Variants in PLD5 observed in about 807,000 individuals in gnomAD.
PLD5 encodes the protein inactive phospholipase D5.
A neutral mutation model predicts 61.1 loss-of-function variants in PLD5; 36 were observed. The observed-to-expected ratio is 0.59, with a 90% CI of 0.45 to 0.78. The LOEUF is 0.78. Among genes scored for constraint, PLD5 ranks in the 30% least tolerant of loss-of-function variants. The pLI is 0.00. For synonymous variants in PLD5, 243 were observed against 242.8 expected (o/e 1.00, Z -0.01); for missense variants, 515 against 644.4 (o/e 0.80, Z 2.17).
chr1:242,501,790 T>TTATATATA lies in PLD5; in HGVS notation c.189+22290_189+22297dup, dbSNP rs10648981. 5.2e-3 allele frequency among the ~76,000 whole-genome samples: 767 copies of TTATATATA among 147,174 alleles called. 8 individuals carry two copies. The highest frequency in any genetic ancestry group is 0.028 in the East Asian group (143 of 5,082). On this transcript the variant is annotated intron_variant, in intron 1 of 9. Coordinates refer to ENST00000536534, the MANE Select transcript of PLD5 (RefSeq NM_001372062.1). The stretch of plus-strand genomic sequence containing the variant: ...AAAATTAAGATATATTAATATTCCA[T>TTATATATA]TATATATATATATATATATACACTA...
chr1:242,200,887 T>G (rs1399287195), intron 5 of PLD5, among the ~76,000 whole-genome samples: 1 of 152,226 alleles, frequency 6.6e-6, no homozygotes, highest in Non-Finnish European at 1.5e-5. Context: ...TAACATGTTA[T>G]GCGTGTGTTT....
chr1:242,448,503 T>A (rs1468133854), intron 1 of PLD5, among the ~76,000 whole-genome samples: 1 of 152,210 alleles, frequency 6.6e-6, no homozygotes, highest in Non-Finnish European at 1.5e-5. Context: ...ATTATCAATG[T>A]CCTTTGTCCA....
chr1:242,179,851 T>C (rs1457614498), intron 5 of PLD5, among the ~76,000 whole-genome samples: 1 of 152,076 alleles, frequency 6.6e-6, no homozygotes, highest in African/African-American at 2.4e-5. Flanking sequence ...TGCAGTGAGC[T>C]GAGATTTTGC....
At chr1:242,119,816 C>T (rs1210607037) in intron 6 of PLD5, among the ~76,000 whole-genome samples, 2 of 152,098 alleles carry the variant, frequency 1.3e-5, no homozygotes, top group African/African-American at 4.8e-5. Context: ...CCAGTAAATC[C>T]ACTCCTATGT....
intron 4 of PLD5, among the ~76,000 whole-genome samples, chr1:242,248,805 C>T (rs1360365569): frequency 1.3e-5 from 2 of 152,190 alleles, no homozygotes; most frequent in Non-Finnish European, 2.9e-5. Flanking sequence ...TATCTCCACA[C>T]TCCCTCTGCT....
At chr1:242,356,087 G>T (rs1360672537) in intron 1 of PLD5, among the ~76,000 whole-genome samples, 2 of 152,110 alleles carry the variant, frequency 1.3e-5, no homozygotes, top group Non-Finnish European at 1.5e-5. Flanking sequence ...GTACATGTCT[G>T]CCAGGTCCAG....
rs189062796 is a variant in PLD5, at chr1:242,123,100, T to C, written c.933+1368A>G. Among the ~76,000 whole-genome samples the C allele has an allele frequency of 3.9e-5, 6 of 152,296 alleles. No individual in the cohort carries two copies. The East Asian group carries it at 5.8e-4, about 15-fold the overall frequency. ...CAGGGGACACTATAAATCTGCACTT[T>C]AAGCATACTTCGTAGCCAATTCTTA... On this transcript the variant is annotated intron_variant, in intron 6 of 9. Transcript: ENST00000536534.
At position 242,468,127 on chromosome 1, in the gene PLD5, AG is replaced by A. The variant is rs899766400; in HGVS notation, c.189+55960del. ...TTTTCATAACAAGGTCTTTTAACAT[AG>A]CCAAAGTATTTTGAGTTCCAAAACA... On this transcript the variant is annotated intron_variant, in intron 1 of 9. Transcript: ENST00000536534. 1.8e-4 allele frequency among the ~76,000 whole-genome samples: 27 copies of A among 152,326 alleles called. No individual in the cohort carries two copies. The East Asian group carries it at 2.7e-3, about 15-fold the overall frequency.
intron 1 of PLD5, among the ~76,000 whole-genome samples, chr1:242,484,084 C>T (rs1380057201): frequency 1.3e-5 from 2 of 152,178 alleles, no homozygotes; most frequent in African/African-American, 4.8e-5. Context: ...ATTTATAGCA[C>T]TAAATGCCCT....
chr1:242,396,446 T>C (rs1453160892), intron 1 of PLD5, among the ~76,000 whole-genome samples: 1 of 152,116 alleles, frequency 6.6e-6, no homozygotes, highest in East Asian at 1.9e-4. Flanking sequence ...TTTCCTTCCC[T>C]TCACAGTAAC....
intron 7 of PLD5, among the ~76,000 whole-genome samples, chr1:242,110,899 A>G (rs1458606872): frequency 6.6e-6 from 1 of 152,210 alleles, no homozygotes; most frequent in African/African-American, 2.4e-5. Flanking sequence ...CATTTTTATT[A>G]TTCCTTTACA....
chr1:242,526,014 T>C (rs1669437013), upstream of PLD5, among the ~76,000 whole-genome samples: 1 of 152,204 alleles, frequency 6.6e-6, no homozygotes, highest in African/African-American at 2.4e-5. Flanking sequence ...TCTCATGTTA[T>C]CCTGCAAGAT....
At chr1:242,445,194 C>CAG (rs1321250828) in intron 1 of PLD5, among the ~76,000 whole-genome samples, 19 of 152,144 alleles carry the variant, frequency 1.2e-4, no homozygotes, top group Admixed American at 1.2e-3. Flanking sequence ...AAAGAGACAC[C>CAG]AGAGAGCTAT....
intron 5 of PLD5, among the ~76,000 whole-genome samples, chr1:242,207,431 T>A (rs1033251903): frequency 2.0e-5 from 3 of 152,094 alleles, no homozygotes; most frequent in African/African-American, 7.2e-5. Context: ...ACCCTGGGCA[T>A]CTGCATTGGT....
intron 3 of PLD5, among the ~76,000 whole-genome samples, chr1:242,272,027 GA>G (rs1262554410): frequency 3.3e-5 from 5 of 152,044 alleles, no homozygotes; most frequent in African/African-American, 9.6e-5. Flanking sequence ...GCAGTATTAA[GA>G]AAAAAATATA....
At chr1:242,218,237 C>T (rs1004438874) in intron 5 of PLD5, among the ~76,000 whole-genome samples, 4 of 152,168 alleles carry the variant, frequency 2.6e-5, no homozygotes, top group African/African-American at 9.7e-5. Context: ...CATCTGAAGG[C>T]TCAGATGATT....
chr1:242,448,245 A>G (rs1666629144), intron 1 of PLD5, among the ~76,000 whole-genome samples: 2 of 152,192 alleles, frequency 1.3e-5, no homozygotes, highest in Non-Finnish European at 2.9e-5. Context: ...GCATGAAGGC[A>G]GGGAATGAGA....
intron 1 of PLD5, among the ~76,000 whole-genome samples, chr1:242,397,898 G>C (rs1038677779): frequency 1.3e-5 from 2 of 151,524 alleles, no homozygotes; most frequent in Non-Finnish European, 2.9e-5. Flanking sequence ...ATAAGCCAGT[G>C]CTTCTGATAC....
intron 1 of PLD5, among the ~76,000 whole-genome samples, chr1:242,445,099 T>C (rs1246841600): frequency 6.6e-6 from 1 of 152,054 alleles, no homozygotes; most frequent in African/African-American, 2.4e-5. Context: ...TAATCCCCAG[T>C]GTGATAGTAT....
Sources: allele counts gnomAD v4.1 joint callset (sites outside exome capture counted in the v4.1 genomes callset), GRCh38; gene constraint gnomAD v4.1.1; transcripts MANE v1.5; gene names NCBI Gene and HGNC (gene_info 2026-07-23, HGNC 2026-07-21).